Variants in SAMSN1 observed in about 807,000 individuals in gnomAD.
SAMSN1 encodes the protein SAM domain, SH3 domain and nuclear localization signals 1, also known as SAM domain-containing protein SAMSN-1.
SAMSN1 carries 31 observed loss-of-function variants against 42.0 expected under a neutral mutation model. The observed-to-expected ratio is 0.74, with a 90% CI of 0.55 to 1.00. The LOEUF (loss-of-function observed/expected upper bound fraction) is 1.00. Ranked by LOEUF, SAMSN1 falls within the 50% of genes least tolerant of loss-of-function variation. The probability of loss-of-function intolerance (pLI) is 0.00; values close to 1 mark genes in which losing one functional copy is unlikely to be tolerated. For synonymous variants in SAMSN1, 178 were observed against 151.9 expected (o/e 1.17, Z -1.26); for missense variants, 464 against 439.4 (o/e 1.06, Z -0.50).
chr21:14,577,282 A>ATTTT lies in SAMSN1; in HGVS notation c.261+4853_261+4854insAAAA, dbSNP rs1226237508. On this transcript the variant is annotated intron_variant, in intron 2 of 8. Transcript: ENST00000285670. ...TATATATATATATATATATATATAT[A>ATTTT]TATTTTTTTTTTAGAAGAGACAGGG... 1.1e-3 allele frequency among the ~76,000 whole-genome samples: 54 copies of ATTTT among 50,498 alleles called. 3 individuals are homozygous for ATTTT. The highest frequency in any genetic ancestry group is 4.0e-3 in the African/African-American group (37 of 9,320). The allele number at this position is 50,498 out of a possible 152,430, so 33.1% of individuals were successfully genotyped here. A position where few individuals can be genotyped will look rare whatever the true frequency, so the allele number is the denominator to read the frequency against.
intron 7 of SAMSN1, among the ~76,000 whole-genome samples, chr21:14,588,619 A>T (rs193058202): frequency 6.6e-6 from 1 of 152,314 alleles, no homozygotes. Context: ...TATGCTCCAA[A>T]TATGATGCTC....
intron 2 of SAMSN1, among the ~76,000 whole-genome samples, chr21:14,560,944 C>T (rs556895213): frequency 6.6e-6 from 1 of 151,530 alleles, no homozygotes; most frequent in Non-Finnish European, 1.5e-5. Flanking sequence ...AAAACTAAAC[C>T]GTCTTTGCAA....
At chr21:14,497,344 C>T (rs1489503434) in intron 7 of SAMSN1, among the ~76,000 whole-genome samples, 1 of 152,084 alleles carries the variant, frequency 6.6e-6, no homozygotes, top group Non-Finnish European at 1.5e-5. Context: ...CTTGTAATCC[C>T]AGCACTTTGA....
chr21:14,560,285 A>G (rs1272900443), intron 2 of SAMSN1, among the ~76,000 whole-genome samples: 2 of 152,174 alleles, frequency 1.3e-5, no homozygotes, highest in Non-Finnish European at 2.9e-5. Flanking sequence ...ATATGATATT[A>G]GAGACATGAA....
intron 5 of SAMSN1, among the ~76,000 whole-genome samples, chr21:14,502,579 C>G (rs567612136): frequency 3.9e-5 from 6 of 152,164 alleles, no homozygotes; most frequent in Non-Finnish European, 8.8e-5. Flanking sequence ...CAAAAACTCA[C>G]CTCAGGCAGC....
intron 2 of SAMSN1, among the ~76,000 whole-genome samples, chr21:14,634,998 G>A (rs928830354): frequency 6.6e-6 from 1 of 152,208 alleles, no homozygotes; most frequent in Non-Finnish European, 1.5e-5. Context: ...ATACTATGTG[G>A]CCATAAAGAG....
At chr21:14,552,022 G>A (rs560733071) in intron 2 of SAMSN1, among the ~76,000 whole-genome samples, 1 of 152,172 alleles carries the variant, frequency 6.6e-6, no homozygotes, top group African/African-American at 2.4e-5. Flanking sequence ...TTGAGTTGCT[G>A]GCTTCTGGTT....
At position 14,609,301 on chromosome 21, in the gene SAMSN1, T is replaced by C. The variant is rs370869899; in HGVS notation, c.322+181A>G. ...ATATATATACACATATATATATGTA[T>C]ACATGTATATATTAATAGTTTATAA... On this transcript the variant is annotated intron_variant, in intron 5 of 15. Transcript: ENST00000647101. 7.6e-4 allele frequency among the ~76,000 whole-genome samples: 116 copies of C among 152,242 alleles called. 1 individual carries two copies. In the South Asian group the frequency reaches 8.3e-3, roughly 11 times the overall value.
chr21:14,515,258 A>C (rs980413890), intron 3 of SAMSN1, among the ~76,000 whole-genome samples: 2 of 152,178 alleles, frequency 1.3e-5, no homozygotes, highest in African/African-American at 4.8e-5. Context: ...TGAAAAAGAG[A>C]ATGGACATAA....
chr21:14,611,757 A>T (rs1982714326), intron 4 of SAMSN1, among the ~76,000 whole-genome samples: 1 of 152,210 alleles, frequency 6.6e-6, no homozygotes, highest in South Asian at 2.1e-4. Flanking sequence ...AAACCTGATT[A>T]AAACGCAGAT....
At chr21:14,560,893 G>A (rs548868787) in intron 2 of SAMSN1, among the ~76,000 whole-genome samples, 1 of 152,302 alleles carries the variant, frequency 6.6e-6, no homozygotes, top group South Asian at 2.1e-4. Context: ...GTGGCTTATA[G>A]CAGCAGATAT....
intron 2 of SAMSN1, among the ~76,000 whole-genome samples, chr21:14,638,862 C>T (rs1983528968): frequency 6.6e-6 from 1 of 152,204 alleles, no homozygotes; most frequent in South Asian, 2.1e-4. Flanking sequence ...AGAGAATCCA[C>T]AACTGCTCAA....
intron 2 of SAMSN1, among the ~76,000 whole-genome samples, chr21:14,552,400 A>T (rs1410276804): frequency 6.6e-6 from 1 of 152,084 alleles, no homozygotes; most frequent in Non-Finnish European, 1.5e-5. Flanking sequence ...AGGTAATAGT[A>T]GGTAGGGCTT....
At chr21:14,526,576 A>G (rs1397100106) in intron 1 of SAMSN1, among the ~76,000 whole-genome samples, 2 of 152,220 alleles carry the variant, frequency 1.3e-5, no homozygotes, top group Non-Finnish European at 2.9e-5. Context: ...CATGATATAA[A>G]GCTGGCAGTG....
chr21:14,635,646 A>G (rs1363830109), intron 2 of SAMSN1, among the ~76,000 whole-genome samples: 1 of 152,178 alleles, frequency 6.6e-6, no homozygotes, highest in African/African-American at 2.4e-5. Flanking sequence ...AACATCCAAG[A>G]TTAAGTGAGA....
intron 1 of SAMSN1, among the ~76,000 whole-genome samples, chr21:14,648,888 A>G (rs1983771473): frequency 6.6e-6 from 1 of 151,882 alleles, no homozygotes. Context: ...TAGAACTAGA[A>G]ATACCATTTG....
chr21:14,659,017 T>C (rs1489325528), upstream of SAMSN1, among the ~76,000 whole-genome samples: 2 of 151,992 alleles, frequency 1.3e-5, no homozygotes, highest in Non-Finnish European at 2.9e-5. Context: ...TACCACGATC[T>C]GTGTAAACAG....
At chr21:14,591,652 A>G (rs911764227) in intron 7 of SAMSN1, among the ~76,000 whole-genome samples, 1 of 152,194 alleles carries the variant, frequency 6.6e-6, no homozygotes, top group Admixed American at 6.5e-5. Context: ...GCATAAGGTG[A>G]GAGTAGGGAG....
At chr21:14,541,639 C>T (rs938657205) in intron 1 of SAMSN1, among the ~76,000 whole-genome samples, 1 of 152,118 alleles carries the variant, frequency 6.6e-6, no homozygotes, top group Admixed American at 6.5e-5. Context: ...AGATTAGACA[C>T]CCCTAGAGTA....
Sources: allele counts gnomAD v4.1 joint callset (sites outside exome capture counted in the v4.1 genomes callset), GRCh38; gene constraint gnomAD v4.1.1; transcripts MANE v1.5; gene names NCBI Gene and HGNC (gene_info 2026-07-23, HGNC 2026-07-21).